Variants in SEZ6L observed in about 807,000 individuals in gnomAD.
The protein encoded by SEZ6L is seizure 6-like protein.
A neutral mutation model predicts 106.2 loss-of-function variants in SEZ6L; 37 were observed. That is an observed-to-expected ratio of 0.35 (90% CI 0.27 to 0.46). The LOEUF (loss-of-function observed/expected upper bound fraction) is 0.46. SEZ6L is among the 20% of genes least tolerant of loss of function. SEZ6L has a pLI of 1.00. For missense variants in SEZ6L, 1,172 were observed against 1,332.8 expected, an observed-to-expected ratio of 0.88 and a Z score of 1.88; for synonymous variants, 541 against 570.4, an observed-to-expected ratio of 0.95 and a Z score of 0.73.
rs1207033331 is a variant in SEZ6L at position 26,348,703 on chromosome 22, A to AAAGAAAGAAAGG, written c.2407+791_2407+792insAGAAAGAAAGGA. Reference sequence around the variant, plus strand: ...GAAAGAAAGAAAGAAAGAAAGAAAGAAGGCAAGGGAGGGAAGGGAGGGAAG... The same window carrying AAAGAAAGAAAGG: ...GAAAGAAAGAAAGAAAGAAAGAAAGAAAGAAAGAAAGGAGGCAAGGGAGGGAAGGGAGGGAAG... On this transcript the variant is annotated intron_variant, in intron 11 of 16. Transcript: ENST00000248933. Among the ~76,000 whole-genome samples the AAAGAAAGAAAGG allele has an allele frequency of 6.8e-4, 28 of 41,478 alleles. 2 individuals carry two copies. The highest frequency in any genetic ancestry group is 3.0e-3 in the African/African-American group (27 of 8,868). The allele number at this position is 41,478 out of a possible 152,430, so 27.2% of individuals were successfully genotyped here.
intron 1 of SEZ6L, among the ~76,000 whole-genome samples, chr22:26,277,561 G>A (rs955599300): frequency 2.0e-5 from 3 of 152,198 alleles, no homozygotes; most frequent in Non-Finnish European, 4.4e-5. Context: ...TTCTTTGCTT[G>A]TAAGTCAAAG....
At chr22:26,376,284 A>G (rs2084221290) in intron 15 of SEZ6L, among the ~76,000 whole-genome samples, 1 of 152,214 alleles carries the variant, frequency 6.6e-6, no homozygotes, top group Non-Finnish European at 1.5e-5. Flanking sequence ...TAAGCAAAGT[A>G]TGTAAGAAAA....
In SEZ6L at chr22:26,177,257, A is replaced by G. The variant is rs561464238; in HGVS notation, c.94+7494A>G. Among the ~76,000 whole-genome samples, 10 of 152,336 alleles carry G rather than the reference A, an allele frequency of 6.6e-5. No homozygotes were observed. The East Asian group carries it at 1.9e-3, about 29-fold the overall frequency. On this transcript the variant is annotated intron_variant, in intron 1 of 16. Transcript: ENST00000248933. ...ATAGGATTGCTGTAGAGGAAAACCA[A>G]TGAGATAATAGATGTGGAATCACTA...
intron 1 of SEZ6L, among the ~76,000 whole-genome samples, chr22:26,216,212 T>G (rs1309043923): frequency 6.6e-6 from 1 of 152,074 alleles, no homozygotes; most frequent in Non-Finnish European, 1.5e-5. Context: ...TCCCACGTGG[T>G]CAGTTAGTGG....
chr22:26,320,639 T>C (rs528875312), intron 9 of SEZ6L, among the ~76,000 whole-genome samples: 122 of 152,206 alleles, frequency 8.0e-4, no homozygotes, highest in Non-Finnish European at 1.2e-3. Flanking sequence ...GGAGCCATGT[T>C]GTAGGCTGAT....
chr22:26,208,856 G>C (rs1209354265), intron 1 of SEZ6L, among the ~76,000 whole-genome samples: 829 of 39,330 alleles, frequency 0.021, 4 homozygotes, highest in African/African-American at 0.076. Context: ...CTCTCTGTGT[G>C]TGTGTGTGTG....
At chr22:26,284,900 G>C (rs1252254027) in intron 1 of SEZ6L, among the ~76,000 whole-genome samples, 3 of 152,078 alleles carry the variant, frequency 2.0e-5, no homozygotes, top group Non-Finnish European at 2.9e-5. Flanking sequence ...TCCCCCATAG[G>C]AGTCTTTATT....
rs552103280 is a variant in SEZ6L at position 26,229,850 on chromosome 22, A to G, written c.94+60087A>G. Among the ~76,000 whole-genome samples the G allele has an allele frequency of 2.6e-5, 4 of 152,360 alleles. No homozygotes were observed. The East Asian group carries it at 7.7e-4, about 29-fold the overall frequency. Reference sequence around the variant, plus strand: ...GCTAGGGCTGTTCAAAGCCAGGTGCAGGTGTTAACAAATGCCCCCTGCTCT... The same window carrying G: ...GCTAGGGCTGTTCAAAGCCAGGTGCGGGTGTTAACAAATGCCCCCTGCTCT... On this transcript the variant is annotated intron_variant, in intron 1 of 16. Coordinates refer to ENST00000248933, the MANE Select transcript of SEZ6L (RefSeq NM_021115.5).
At chr22:26,316,993 G>T (rs1463265820) in intron 9 of SEZ6L, among the ~76,000 whole-genome samples, 3 of 152,088 alleles carry the variant, frequency 2.0e-5, no homozygotes, top group African/African-American at 7.2e-5. Flanking sequence ...AGGAAAGGAA[G>T]AAGAATGTCC....
intron 9 of SEZ6L, among the ~76,000 whole-genome samples, chr22:26,329,399 C>T (rs948233372): frequency 1.6e-4 from 24 of 152,036 alleles, no homozygotes; most frequent in African/African-American, 4.8e-4. Flanking sequence ...ACCCAGGAGG[C>T]GGAGGTTGCA....
intron 1 of SEZ6L, among the ~76,000 whole-genome samples, chr22:26,267,873 A>C (rs1025427897): frequency 4.6e-5 from 7 of 152,188 alleles, no homozygotes; most frequent in Non-Finnish European, 1.0e-4. Context: ...TGCTGAATTC[A>C]AGACCCTCCC....
At chr22:26,189,856 G>A (rs1940055533) in intron 1 of SEZ6L, among the ~76,000 whole-genome samples, 1 of 152,138 alleles carries the variant, frequency 6.6e-6, no homozygotes, top group South Asian at 2.1e-4. Flanking sequence ...CCAGCACTTT[G>A]GGAGGCCGAG....
At chr22:26,260,194 T>C (rs1307583005) in intron 1 of SEZ6L, among the ~76,000 whole-genome samples, 2 of 152,208 alleles carry the variant, frequency 1.3e-5, no homozygotes, top group African/African-American at 4.8e-5. Flanking sequence ...GTTACATTAG[T>C]AAGTTCTTCA....
At position 26,292,542 on chromosome 22, in the gene SEZ6L, G is replaced by A. The variant is rs371822368; in HGVS notation, c.231G>A (p.Ala77=). The A allele has an allele frequency of 1.2e-5, 19 of 1,613,814 alleles. No individual in the cohort carries two copies. Among genetic ancestry groups the A allele is most frequent in the South Asian group, 4.4e-5 (4 of 90,988 alleles). ...CGCCCCCCAGTTCCTCACAGTCGGC[G>A]GAAGTGCTGGGCGAGCTGGTGCTGG... ...VTAPPSSSQS[A]EVLGELVLDG... Residue 77 remains alanine (A), a synonymous_variant, in exon 2 of 17, where the codon GCG becomes GCA. Transcript: ENST00000248933.
chr22:26,347,921 T>C lies in SEZ6L; in HGVS notation c.2407+8T>C, dbSNP rs981355380. On this transcript the variant is annotated splice_region_variant and intron_variant, in intron 11 of 16. Coordinates refer to ENST00000248933, the MANE Select transcript of SEZ6L (RefSeq NM_021115.5). Reference sequence around the variant, plus strand: ...CCCCATTTTGTGAGAAAAGTAAGAGTGGTCTTGTTTCCTTCCTCTAGGTCC... The same window carrying C: ...CCCCATTTTGTGAGAAAAGTAAGAGCGGTCTTGTTTCCTTCCTCTAGGTCC... 3 of 1,554,326 alleles carry C rather than the reference T, an allele frequency of 1.9e-6. No individual in the cohort carries two copies. Among genetic ancestry groups the C allele is most frequent in the African/African-American group, 1.4e-5 (1 of 71,200 alleles).
intron 13 of SEZ6L, among the ~76,000 whole-genome samples, chr22:26,373,197 G>A (rs564323186): frequency 3.9e-5 from 6 of 152,262 alleles, no homozygotes; most frequent in South Asian, 4.1e-4. Flanking sequence ...TTGGACACGC[G>A]GTGAGTGTTC....
At chr22:26,232,044 C>T (rs910182443) in intron 1 of SEZ6L, among the ~76,000 whole-genome samples, 5 of 152,116 alleles carry the variant, frequency 3.3e-5, no homozygotes, top group African/African-American at 4.8e-5. Flanking sequence ...CTACTTGGTC[C>T]GTCACTCTGA....
intron 13 of SEZ6L, among the ~76,000 whole-genome samples, chr22:26,369,592 T>G (rs1044864009): frequency 4.0e-5 from 6 of 151,754 alleles, no homozygotes; most frequent in South Asian, 4.2e-4. Context: ...CGCCCACCTC[T>G]GCCTCCCAAA....
At chr22:26,350,080 A>G (rs1438267727) in intron 11 of SEZ6L, among the ~76,000 whole-genome samples, 1 of 151,856 alleles carries the variant, frequency 6.6e-6, no homozygotes, top group African/African-American at 2.4e-5. Context: ...ACTATTTGCA[A>G]TGTTTCCTTT....
Sources: gnomAD v4.1 joint callset for allele counts (sites outside exome capture counted in the v4.1 genomes callset) on GRCh38, gnomAD v4.1.1 for gene constraint, MANE v1.5 for transcripts, NCBI Gene and HGNC (gene_info 2026-07-23, HGNC 2026-07-21) for gene names.